HNRNPM: variants seen among roughly 807,000 people sequenced by gnomAD.
HNRNPM encodes the protein heterogeneous nuclear ribonucleoprotein M.
HNRNPM carries 11 observed loss-of-function variants against 73.1 expected under a neutral mutation model. That is an observed-to-expected ratio of 0.15 (90% CI 0.09 to 0.25). The LOEUF (loss-of-function observed/expected upper bound fraction) is 0.25, where lower values mean the gene tolerates loss of function less well. Ranked by LOEUF, HNRNPM falls within the 10% of genes least tolerant of loss-of-function variation. The pLI, the probability that HNRNPM is intolerant of heterozygous loss-of-function variation, is 1.00. For missense variants in HNRNPM, 789 were observed against 1,067.9 expected, an observed-to-expected ratio of 0.74 and a Z score of 3.64; for synonymous variants, 407 against 355.2, an observed-to-expected ratio of 1.15 and a Z score of -1.64.
intron 2 of HNRNPM, among the ~76,000 whole-genome samples, chr19:8,455,991 T>C (rs1408584471): frequency 1.3e-5 from 2 of 150,888 alleles, no homozygotes; most frequent in African/African-American, 4.9e-5. Flanking sequence ...GAAGATAGCT[T>C]GTTTAAAATT....
At chr19:8,454,700 C>A (rs1968880335) in intron 1 of HNRNPM, among the ~76,000 whole-genome samples, 1 of 115,078 alleles carries the variant, frequency 8.7e-6, no homozygotes, top group East Asian at 3.2e-4. Context: ...TTTTTTAACA[C>A]TATGAAAGAC....
Position 8,462,448 on chromosome 19 carries a change from T to A in HNRNPM, c.284-81T>A. The A allele has an allele frequency of 8.4e-7, 1 of 1,188,382 alleles. No individual in the cohort carries two copies. The highest frequency in any genetic ancestry group is 1.3e-6 in the Non-Finnish European group (1 of 792,038). The allele number at this position is 1,188,382 out of a possible 1,614,324, so 73.6% of individuals were successfully genotyped here. A position where few individuals can be genotyped will look rare whatever the true frequency, so the allele number is the denominator to read the frequency against. On this transcript the variant is annotated intron_variant, in intron 2 of 15. Coordinates refer to ENST00000325495, the MANE Select transcript of HNRNPM (RefSeq NM_005968.5). This position sits in a 1 kb window ranked among gnomAD's most constrained non-coding sequence, Gnocchi z 4.5. The stretch of plus-strand genomic sequence containing the variant: ...ATAAGGCAGAGGCTCCATACAAGGT[T>A]GCTGATGATTGTTCTAAATTCCCAT...
chr19:8,468,788 A>T lies in HNRNPM; in HGVS notation c.849A>T (p.Leu283Phe), dbSNP rs1203420240. ...TTCTCTTTCAGGATGAGAGGGCCTT[A>T]CCAAAAGGAGATTTCTTCCCTCCTG... is the stretch of plus-strand genomic sequence containing the variant. ...PMHVKMDERA[L>F]PKGDFFPPER... Residue 283 changes from leucine to phenylalanine, a missense_variant, in exon 9 of 16, where the codon TTA (leucine) becomes TTT (phenylalanine). By Grantham distance (22) the Leu-to-Phe change is conservative. Transcript: ENST00000325495. 1 of 1,613,756 alleles carries T rather than the reference A, an allele frequency of 6.2e-7. No individual in the cohort carries two copies. Among genetic ancestry groups the T allele is most frequent in the African/African-American group, 1.3e-5 (1 of 75,014 alleles).
rs748199100 is a variant in HNRNPM at position 8,467,570 on chromosome 19, A to T, written c.820A>T (p.Met274Leu). Residue 274 changes from methionine (M) to leucine (L), a missense_variant, in exon 8 of 16, where the codon ATG (methionine) becomes TTG (leucine). This residue lies in a region of HNRNPM where 604 missense variants were observed against 744.0 expected (regional missense o/e 0.81). Coordinates refer to ENST00000325495, the MANE Select transcript of HNRNPM (RefSeq NM_005968.5). ...FNGQLLFDRP[M>L]HVKMDERALP... ...TGGCCAGCTGCTATTTGATAGACCA[A>T]TGCACGTCAAGATGGTAAGTCAGTA... The T allele has an allele frequency of 6.2e-7, 1 of 1,611,362 alleles. No individual in the cohort carries two copies.
rs1491140298 is a variant in HNRNPM, at chr19:8,454,684, C to CCT, written c.114-721_114-720insCT. Among the ~76,000 whole-genome samples the CCT allele has an allele frequency of 6.4e-3, 760 of 118,760 alleles. 12 individuals are homozygous for CCT. Among genetic ancestry groups the CCT allele is most frequent in the Admixed American group, 8.5e-3 (101 of 11,842 alleles). The allele number at this position is 118,760 out of a possible 152,430, so 77.9% of individuals were successfully genotyped here. A position where few individuals can be genotyped will look rare whatever the true frequency, so the allele number is the denominator to read the frequency against. ...CTGCATCATTTTATGCCCCCCCCCC[C>CCT]TTTTTTTTTTTAACACTATGAAAGA... On this transcript the variant is annotated intron_variant, in intron 1 of 15. Coordinates refer to ENST00000325495, the MANE Select transcript of HNRNPM (RefSeq NM_005968.5).
chr19:8,453,143 TTTTG>T (rs779363618), intron 1 of HNRNPM, among the ~76,000 whole-genome samples: 14 of 148,746 alleles, frequency 9.4e-5, no homozygotes, highest in South Asian at 2.1e-4. Context: ...AAGTGAATAC[TTTTG>T]TTTGTTTGTT....
rs372693908 is a variant in HNRNPM, at chr19:8,450,182, TTA to T, written c.113+5076_113+5077del. 4.4e-3 allele frequency among the ~76,000 whole-genome samples: 666 copies of T among 152,222 alleles called. 4 individuals carry two copies. Among genetic ancestry groups the T allele is most frequent in the African/African-American group, 0.016 (644 of 41,528 alleles). ...TGAGGGATTTCTGTGAAGAATCACT[TTA>T]TATAAGGGATGGTTCTCACACGGGC... On this transcript the variant is annotated intron_variant, in intron 1 of 15. Coordinates refer to ENST00000325495, the MANE Select transcript of HNRNPM (RefSeq NM_005968.5).
chr19:8,466,104 G>C, intron 6 of HNRNPM, 131 bp from the exon 7 acceptor site: 1 of 841,808 alleles, frequency 1.2e-6, no homozygotes, highest in South Asian at 1.8e-5. Context: ...TTCCATTGCA[G>C]TTGATTAGTT....
At chr19:8,477,806 C>T (rs911973108) in intron 12 of HNRNPM, among the ~76,000 whole-genome samples, 2 of 152,170 alleles carry the variant, frequency 1.3e-5, no homozygotes, top group Non-Finnish European at 2.9e-5. Context: ...GCCATGCACA[C>T]GCATTTCTGT....
At chr19:8,480,025 G>A (rs1970798368) in intron 12 of HNRNPM, among the ~76,000 whole-genome samples, 2 of 143,832 alleles carry the variant, frequency 1.4e-5, no homozygotes, top group African/African-American at 2.5e-5. Flanking sequence ...CACACGCCTC[G>A]GCCTCCCAAA....
At chr19:8,450,085 T>C (rs1019020864) in intron 1 of HNRNPM, among the ~76,000 whole-genome samples, 10 of 152,198 alleles carry the variant, frequency 6.6e-5, no homozygotes, top group African/African-American at 2.4e-4. Context: ...AGTTCAGTGG[T>C]GGCCTTGGAG....
chr19:8,469,335 T>C (rs916660325), intron 9 of HNRNPM, among the ~76,000 whole-genome samples: 1 of 152,236 alleles, frequency 6.6e-6, no homozygotes, highest in African/African-American at 2.4e-5. Context: ...AGTGGTTGCC[T>C]GAGGCCGGGA....
intron 1 of HNRNPM, among the ~76,000 whole-genome samples, chr19:8,454,071 C>T (rs1027262609): frequency 1.3e-5 from 2 of 151,352 alleles, no homozygotes; most frequent in Non-Finnish European, 2.9e-5. Context: ...TTCTTTTCCA[C>T]CTTTCTGGAT....
chr19:8,463,879 GATCC>G, intron 5 of HNRNPM, 193 bp downstream of exon 5: 1 of 557,756 alleles, frequency 1.8e-6, no homozygotes. Flanking sequence ...TGGCCAAGCA[GATCC>G]TGAGTGGCTG....
At chr19:8,474,795 ACCTCCG>A (rs1970390504) in intron 12 of HNRNPM, among the ~76,000 whole-genome samples, 1 of 150,418 alleles carries the variant, frequency 6.6e-6, no homozygotes, top group Non-Finnish European at 1.5e-5. Flanking sequence ...GCTCACTGCA[ACCTCCG>A]CCTCCCAGGT....
intron 1 of HNRNPM, among the ~76,000 whole-genome samples, chr19:8,455,042 A>G (rs538834260): frequency 6.6e-6 from 1 of 152,098 alleles, no homozygotes; most frequent in African/African-American, 2.4e-5. Context: ...TAGGGTGATC[A>G]TAGTTTGCTG....
chr19:8,458,601 G>C (rs1445692965), intron 2 of HNRNPM, among the ~76,000 whole-genome samples: 5 of 152,242 alleles, frequency 3.3e-5, no homozygotes, highest in African/African-American at 7.2e-5. Context: ...ATAGAGCCCA[G>C]GTTGAGGAAG....
At chr19:8,450,895 A>G (rs1189534160) in intron 1 of HNRNPM, among the ~76,000 whole-genome samples, 3 of 146,156 alleles carry the variant, frequency 2.1e-5, no homozygotes, top group African/African-American at 7.7e-5. Context: ...ATGCCCGGCT[A>G]ATTTTTGGTT....
chr19:8,450,733 T>TA (rs1568258195), intron 1 of HNRNPM, among the ~76,000 whole-genome samples: 103 of 90,264 alleles, frequency 1.1e-3, no homozygotes, highest in African/African-American at 3.4e-3. Context: ...TATTATTTTT[T>TA]TTTTTTTTGA....
Sources: gnomAD v4.1 joint callset for allele counts (sites outside exome capture counted in the v4.1 genomes callset) on GRCh38, gnomAD v4.1.1 for gene constraint, gnomAD v4.1.1 regional missense constraint, Gnocchi (gnomAD v3.1) non-coding constraint, MANE v1.5 for transcripts, NCBI Gene and HGNC (gene_info 2026-07-23, HGNC 2026-07-21) for gene names.